SH2B3: variants seen among roughly 807,000 people sequenced by gnomAD.
The protein encoded by SH2B3 is SH2B adapter protein 3.
Under a neutral mutation model 51.9 loss-of-function variants are expected in SH2B3, and 43 were observed. The observed-to-expected ratio is 0.83, with a 90% CI of 0.65 to 1.07. The LOEUF is 1.07. SH2B3 is among the 50% of genes least tolerant of loss of function. The pLI, the probability that SH2B3 is intolerant of heterozygous loss-of-function variation, is 0.00. For synonymous variants in SH2B3, 396 were observed against 376.0 expected (o/e 1.05, Z -0.62); for missense variants, 952 against 834.3 (o/e 1.14, Z -1.74).
At position 111,446,800 on chromosome 12, in the gene SH2B3, C is replaced by G. The variant is rs779922436; in HGVS notation, c.780C>G (p.Val260=). 5 of 1,570,592 alleles carry G rather than the reference C, an allele frequency of 3.2e-6. No individual in the cohort carries two copies. Among genetic ancestry groups the G allele is most frequent in the Admixed American group, 1.7e-5 (1 of 57,344 alleles). Residue 260 remains valine, a synonymous_variant, in exon 3 of 8, where the codon GTC becomes GTG. Transcript: ENST00000341259. ...LQAACSSIQE[V]RWCTRLEMPD... is the part of the protein sequence containing the mutation. ...CAGCTTGCTCCAGCATCCAGGAGGT[C>G]CGGTGGTGCACACGGCTTGAGATGC...
intron 2 of SH2B3, among the ~76,000 whole-genome samples, chr12:111,427,504 G>A (rs116377014): frequency 3.9e-5 from 6 of 152,288 alleles, no homozygotes; most frequent in African/African-American, 1.4e-4. Context: ...AGAGCCTGAC[G>A]GGGAGGCGAC....
intron 2 of SH2B3, among the ~76,000 whole-genome samples, chr12:111,441,487 T>C (rs1021004980): frequency 1.6e-4 from 25 of 152,106 alleles, no homozygotes; most frequent in African/African-American, 5.8e-4. Flanking sequence ...GTGGAGTTGC[T>C]GCATGGTTCT....
At position 111,438,637 on chromosome 12, in the gene SH2B3, A is replaced by G. The variant is rs1320946971; in HGVS notation, c.733-8116A>G. On this transcript the variant is annotated intron_variant, in intron 2 of 7. Coordinates refer to ENST00000341259, the MANE Select transcript of SH2B3 (RefSeq NM_005475.3). This position sits in a 1 kb window ranked among gnomAD's most constrained non-coding sequence, Gnocchi z 4.2. ...CGCGGCCAAGGACACCACGTGAGCA[A>G]AGCCAAGTCACGGCAGAGACCTGCA... Among the ~76,000 whole-genome samples, 2 of 152,360 alleles carry G rather than the reference A, an allele frequency of 1.3e-5. No homozygotes were observed. Among genetic ancestry groups the G allele is most frequent in the East Asian group, 3.9e-4 (2 of 5,182 alleles).
Position 111,448,877 on chromosome 12 carries a change from C to T in SH2B3, c.*575C>T, listed in dbSNP as rs1192508758. On this transcript the variant is annotated 3_prime_UTR_variant, in exon 8 of 8. Transcript: ENST00000341259. ...GTCAAAAATGATTTAAAACATTTTA[C>T]CTCAGACTAATTTCTTTAAAGGATT... 1 of 153,652 alleles carries T rather than the reference C, an allele frequency of 6.5e-6. No homozygotes were observed. Among genetic ancestry groups the T allele is most frequent in the African/African-American group, 2.4e-5 (1 of 41,452 alleles). The allele number at this position is 153,652 out of a possible 1,614,324, so 9.5% of individuals were successfully genotyped here. A position where few individuals can be genotyped will look rare whatever the true frequency, so the allele number is the denominator to read the frequency against.
intron 2 of SH2B3, among the ~76,000 whole-genome samples, chr12:111,441,242 G>A (rs1873381471): frequency 6.6e-6 from 1 of 151,862 alleles, no homozygotes; most frequent in African/African-American, 2.4e-5. Flanking sequence ...GCCACATGTG[G>A]TGGCATGTGT....
intron 2 of SH2B3, 112 bp from the exon 3 acceptor site, chr12:111,446,641 T>C (rs1217277581): frequency 1.6e-6 from 1 of 633,062 alleles, no homozygotes; most frequent in Non-Finnish European, 2.8e-6. Context: ...AGCAACACCA[T>C]GGATACTCTC....
rs183378925 is a variant in SH2B3, at chr12:111,427,962, C to G, written c.732+9085C>G. Among the ~76,000 whole-genome samples, 115 of 152,294 alleles carry G rather than the reference C, an allele frequency of 7.6e-4. 1 individual carries two copies. The highest frequency in any genetic ancestry group is 2.7e-3 in the African/African-American group (111 of 41,558). Reference sequence around the variant, plus strand: ...GGTGGCTTTCCCAAGGTCTCACAGCCCCTGTGGCTGAGAGGGGCTTGGAAC... The same window carrying G: ...GGTGGCTTTCCCAAGGTCTCACAGCGCCTGTGGCTGAGAGGGGCTTGGAAC... On this transcript the variant is annotated intron_variant, in intron 2 of 7. Transcript: ENST00000341259.
rs1565977452 is a variant in SH2B3 at position 111,429,048 on chromosome 12, A to AG, written c.732+10172dup. Among the ~76,000 whole-genome samples the AG allele has an allele frequency of 4.3e-3, 540 of 125,170 alleles. 4 individuals are homozygous for AG. Among genetic ancestry groups the AG allele is most frequent in the Non-Finnish European group, 6.4e-3 (373 of 58,122 alleles). The allele number at this position is 125,170 out of a possible 152,430, so 82.1% of individuals were successfully genotyped here. On this transcript the variant is annotated intron_variant, in intron 2 of 7. Coordinates refer to ENST00000341259, the MANE Select transcript of SH2B3 (RefSeq NM_005475.3). The surrounding 1 kb of genome is among the most constrained non-coding windows in gnomAD (Gnocchi z 4.4). ...AGGAGGAGGAGGAGGAGGAGGAGGA[A>AG]GAGGAGGAGGAGGAGGAGGAGGGAC...
In SH2B3 at chr12:111,449,511, C is replaced by T. The variant is rs187076978; in HGVS notation, c.*1209C>T. ...GAGAATCTATCTATCTCCTTGCACA[C>T]ATGGGCACACACAATCTCCACCATC... is the stretch of plus-strand genomic sequence containing the variant. On this transcript the variant is annotated 3_prime_UTR_variant, in exon 8 of 8. Transcript: ENST00000341259. 6.6e-6 allele frequency: 1 copy of T among 152,428 alleles called. No individual in the cohort carries two copies. The highest frequency in any genetic ancestry group is 6.5e-5 in the Admixed American group (1 of 15,304). The allele number at this position is 152,428 out of a possible 1,614,324, so 9.4% of individuals were successfully genotyped here. A position where few individuals can be genotyped will look rare whatever the true frequency, so the allele number is the denominator to read the frequency against.
rs765818374 is a variant in SH2B3, at chr12:111,418,361, G to C, written c.216G>C (p.Gln72His). 6.6e-7 allele frequency: 1 copy of C among 1,520,902 alleles called. No individual in the cohort carries two copies. The highest frequency in any genetic ancestry group is 1.2e-5 in the South Asian group (1 of 82,708). The allele number at this position is 1,520,902 out of a possible 1,614,324, so 94.2% of individuals were successfully genotyped here. A position where few individuals can be genotyped will look rare whatever the true frequency, so the allele number is the denominator to read the frequency against. Residue 72 changes from glutamine (Q) to histidine (H), a missense_variant, in exon 2 of 8, where the codon CAG (glutamine) becomes CAC (histidine). By Grantham distance (24) the Gln-to-His change is conservative. Transcript: ENST00000341259. The surrounding 1 kb of genome is among the most constrained non-coding windows in gnomAD (Gnocchi z 6.7). ...LVSLQFTDLF[Q>H]RYFCREVRDG... ...CGCTGCAGTTCACCGACCTCTTCCA[G>C]CGCTACTTCTGCCGCGAGGTGCGCG... is the stretch of plus-strand genomic sequence containing the variant.
upstream of SH2B3, among the ~76,000 whole-genome samples, chr12:111,405,500 C>A (rs1010074265): frequency 6.6e-6 from 1 of 152,222 alleles, no homozygotes; most frequent in African/African-American, 2.4e-5. The surrounding 1 kb of genome is among the most constrained non-coding windows in gnomAD (Gnocchi z 5.4). Context: ...GGAGGCCAGG[C>A]CCCTCGACCC....
chr12:111,441,590 G>T (rs1426766676), intron 2 of SH2B3, among the ~76,000 whole-genome samples: 1 of 152,082 alleles, frequency 6.6e-6, no homozygotes, highest in African/African-American at 2.4e-5. Flanking sequence ...TGGCTGAGAC[G>T]CACCACGTTT....
chr12:111,440,982 G>GCATTATTATCC (rs1283885283), intron 2 of SH2B3, among the ~76,000 whole-genome samples: 1 of 152,188 alleles, frequency 6.6e-6, no homozygotes, highest in Non-Finnish European at 1.5e-5. Flanking sequence ...AAGGGTAGTG[G>GCATTATTATCC]CATTATTATC....
In SH2B3 at chr12:111,407,765, C is replaced by T. The variant is rs1227151417; in HGVS notation, c.-28+1488C>T. Among the ~76,000 whole-genome samples the T allele has an allele frequency of 6.6e-6, 1 of 151,946 alleles. No individual in the cohort carries two copies. Among genetic ancestry groups the T allele is most frequent in the African/African-American group, 2.4e-5 (1 of 41,378 alleles). ...CACAGAGCGGCCAGCTGGGAAGGGG[C>T]TGGCTCAGAGCATCAGCAGCTGGGG... On this transcript the variant is annotated intron_variant, in intron 1 of 7. Transcript: ENST00000341259. This position sits in a 1 kb window ranked among gnomAD's most constrained non-coding sequence, Gnocchi z 4.3.
At position 111,418,560 on chromosome 12, in the gene SH2B3, C is replaced by G; in HGVS notation, c.415C>G (p.Arg139Gly). 1 of 1,471,478 alleles carries G rather than the reference C, an allele frequency of 6.8e-7. No homozygotes were observed. The highest frequency in any genetic ancestry group is 9.0e-7 in the Non-Finnish European group (1 of 1,116,896). 91.2% of individuals were successfully genotyped at this position (1,471,478 alleles called of 1,614,324 possible). Residue 139 changes from arginine to glycine, a missense_variant, in exon 2 of 8, where the codon CGC becomes GGC. Coordinates refer to ENST00000341259, the MANE Select transcript of SH2B3 (RefSeq NM_005475.3). The surrounding 1 kb of genome is among the most constrained non-coding windows in gnomAD (Gnocchi z 6.7). Reference protein sequence around the residue: ...PPGPCSFQHFRRSLRHIFRRR... With the variant: ...PPGPCSFQHFGRSLRHIFRRR... ...CGGGCCCTGCTCCTTCCAGCACTTT[C>G]GCCGCAGCCTCCGCCACATCTTCCG...
At chr12:111,426,145 C>T (rs1871976271) in intron 2 of SH2B3, among the ~76,000 whole-genome samples, 2 of 152,244 alleles carry the variant, frequency 1.3e-5, no homozygotes, top group South Asian at 4.1e-4. Flanking sequence ...TGCTCCCATT[C>T]CTCTTGGCCT....
intron 1 of SH2B3, among the ~76,000 whole-genome samples, chr12:111,408,500 G>A (rs891230814): frequency 1.3e-5 from 2 of 151,786 alleles, no homozygotes; most frequent in Non-Finnish European, 2.9e-5. Flanking sequence ...GGACTGCTGG[G>A]CCCTTGGATT....
chr12:111,420,885 TC>T (rs1435117736), intron 2 of SH2B3, among the ~76,000 whole-genome samples: 1 of 152,178 alleles, frequency 6.6e-6, no homozygotes, highest in African/African-American at 2.4e-5. Context: ...CATCCAAGAA[TC>T]CTTTGAAGTA....
At chr12:111,421,900 G>C (rs1048549496) in intron 2 of SH2B3, among the ~76,000 whole-genome samples, 3 of 152,208 alleles carry the variant, frequency 2.0e-5, no homozygotes, top group African/African-American at 7.2e-5. Context: ...ATTTCTCTCA[G>C]GTGGATTCCT....
Sources: gnomAD v4.1 joint callset for allele counts (sites outside exome capture counted in the v4.1 genomes callset) on GRCh38, gnomAD v4.1.1 for gene constraint, Gnocchi (gnomAD v3.1) non-coding constraint, MANE v1.5 for transcripts, NCBI Gene and HGNC (gene_info 2026-07-23, HGNC 2026-07-21) for gene names.